Variants in EHBP1 observed in about 807,000 individuals in gnomAD.
The protein encoded by EHBP1 is EH domain binding protein 1, also known as EH domain-binding protein 1.
EHBP1 carries 55 observed loss-of-function variants against 144.0 expected under a neutral mutation model. The observed-to-expected ratio is 0.38, with a 90% CI of 0.31 to 0.48. The LOEUF is 0.48. EHBP1 is among the 20% of genes least tolerant of loss of function. The pLI is 0.98. For missense variants in EHBP1, 1,200 were observed against 1,364.2 expected, an observed-to-expected ratio of 0.88 and a Z score of 1.90; for synonymous variants, 469 against 472.7, an observed-to-expected ratio of 0.99 and a Z score of 0.10.
At chr2:62,801,382 A>G (rs1449070857) in intron 5 of EHBP1, among the ~76,000 whole-genome samples, 1 of 152,190 alleles carries the variant, frequency 6.6e-6, no homozygotes, top group Admixed American at 6.5e-5. Context: ...ATTTATATCA[A>G]TCACACCATC....
At chr2:62,740,172 A>G (rs2038566835) in intron 2 of EHBP1, among the ~76,000 whole-genome samples, 1 of 152,160 alleles carries the variant, frequency 6.6e-6, no homozygotes, top group Non-Finnish European at 1.5e-5. Context: ...AAAAGTAATC[A>G]CTCTGTTAAA....
chr2:62,692,159 C>T (rs772021015), intron 1 of EHBP1, among the ~76,000 whole-genome samples: 2 of 152,184 alleles, frequency 1.3e-5, no homozygotes, highest in African/African-American at 4.8e-5. Flanking sequence ...TGGCTTCTTT[C>T]ACTTAACATA....
At position 62,943,843 on chromosome 2, in the gene EHBP1, A is replaced by C; in HGVS notation, c.1406A>C (p.Asn469Thr). ...SLNPQDIKEN[N>T]KKAYDGFASI... ...AATCCTCAAGATATTAAAGAGAACA[A>C]CAAAAAGGTAAGAATTGATGAGCAA... Residue 469 changes from asparagine (N) to threonine (T), a missense_variant, in exon 12 of 23, where the codon AAC becomes ACC. Asn to Thr is a moderately conservative substitution (Grantham distance 65). This residue lies in a region of EHBP1 where 94 missense variants were observed against 143.0 expected (regional missense o/e 0.66). Transcript: ENST00000431489. 1 of 1,604,298 alleles carries C rather than the reference A, an allele frequency of 6.2e-7. No individual in the cohort carries two copies. Among genetic ancestry groups the C allele is most frequent in the Non-Finnish European group, 8.5e-7 (1 of 1,173,872 alleles).
chr2:62,692,201 A>G (rs367794874), intron 1 of EHBP1, among the ~76,000 whole-genome samples: 3 of 152,336 alleles, frequency 2.0e-5, no homozygotes, highest in East Asian at 3.9e-4. Context: ...TATAGCGTGA[A>G]TCAATGCTTC....
intron 2 of EHBP1, among the ~76,000 whole-genome samples, chr2:62,747,017 C>G (rs566084232): frequency 6.6e-6 from 1 of 152,154 alleles, no homozygotes; most frequent in African/African-American, 2.4e-5. Context: ...AATTATTTTG[C>G]AAGTGCCCTT....
chr2:62,858,093 A>G (rs1348134066), intron 7 of EHBP1, among the ~76,000 whole-genome samples: 1 of 152,144 alleles, frequency 6.6e-6, no homozygotes, highest in Non-Finnish European at 1.5e-5. Context: ...GCACAGCTCT[A>G]TTTTGTAAAT....
chr2:62,814,002 G>A (rs752695675), intron 5 of EHBP1, among the ~76,000 whole-genome samples: 6 of 152,116 alleles, frequency 3.9e-5, no homozygotes, highest in Non-Finnish European at 8.8e-5. Context: ...TGCTGGAACC[G>A]GTTAAGACTT....
At chr2:62,804,665 G>A (rs2044304028) in intron 5 of EHBP1, among the ~76,000 whole-genome samples, 1 of 152,204 alleles carries the variant, frequency 6.6e-6, no homozygotes, top group Non-Finnish European at 1.5e-5. Flanking sequence ...AATTGGTATT[G>A]TATAAATTGG....
chr2:62,862,128 G>C (rs963332904), intron 8 of EHBP1, among the ~76,000 whole-genome samples: 1 of 152,018 alleles, frequency 6.6e-6, no homozygotes, highest in African/African-American at 2.4e-5. Context: ...AGTCTCTTTA[G>C]GCTATGTTTA....
At chr2:62,969,642 A>G (rs1174351023) in intron 14 of EHBP1, among the ~76,000 whole-genome samples, 1 of 152,198 alleles carries the variant, frequency 6.6e-6, no homozygotes, top group Non-Finnish European at 1.5e-5. Context: ...AAAATTTAGT[A>G]GTTACCACAA....
chr2:62,784,405 C>T (rs1343795222), intron 5 of EHBP1, among the ~76,000 whole-genome samples: 1 of 152,124 alleles, frequency 6.6e-6, no homozygotes, highest in Non-Finnish European at 1.5e-5. Flanking sequence ...TACTTCCTAA[C>T]ATTGGGGATA....
intron 10 of EHBP1, among the ~76,000 whole-genome samples, chr2:62,885,414 A>C (rs1040206297): frequency 2.0e-5 from 3 of 152,066 alleles, no homozygotes; most frequent in Non-Finnish European, 4.4e-5. Context: ...ACAGCTTAAG[A>C]AAAAAGATCA....
chr2:63,012,715 T>C lies in EHBP1; in HGVS notation c.3103+15949T>C, dbSNP rs540428960. 1.3e-5 allele frequency among the ~76,000 whole-genome samples: 2 copies of C among 152,314 alleles called. 1 individual carries two copies. Among genetic ancestry groups the C allele is most frequent in the African/African-American group, 4.8e-5 (2 of 41,574 alleles). ...ATAACTTAAAACAGCTTGTGAAATA[T>C]AATGTTTGAAATGGTTCTTTGAGAA... On this transcript the variant is annotated intron_variant, in intron 19 of 22. Coordinates refer to ENST00000431489, the MANE Select transcript of EHBP1 (RefSeq NM_001142616.3).
intron 2 of EHBP1, among the ~76,000 whole-genome samples, chr2:62,734,253 A>T (rs1256068485): frequency 6.6e-6 from 1 of 151,990 alleles, no homozygotes; most frequent in Non-Finnish European, 1.5e-5. Context: ...AGACATAGTG[A>T]AAGTATTTCT....
intron 1 of EHBP1, among the ~76,000 whole-genome samples, chr2:62,696,393 C>A (rs917685226): frequency 1.3e-5 from 2 of 151,056 alleles, no homozygotes; most frequent in South Asian, 2.1e-4. Context: ...CTGGTCTACC[C>A]ACCTTGGCCT....
At chr2:62,675,896 G>T (rs775961563) in intron 1 of EHBP1, among the ~76,000 whole-genome samples, 8 of 152,096 alleles carry the variant, frequency 5.3e-5, no homozygotes, top group Non-Finnish European at 1.2e-4. Flanking sequence ...GGAACCACAG[G>T]TGCGTACCAC....
At chr2:62,755,491 ATTT>A (rs1221281216) in intron 3 of EHBP1, among the ~76,000 whole-genome samples, 1 of 151,958 alleles carries the variant, frequency 6.6e-6, no homozygotes, top group Non-Finnish European at 1.5e-5. Flanking sequence ...GGGGAAAAGT[ATTT>A]TTTTATCTTG....
intron 4 of EHBP1, among the ~76,000 whole-genome samples, chr2:62,770,359 C>T (rs572637920): frequency 5.9e-5 from 9 of 152,102 alleles, no homozygotes; most frequent in South Asian, 2.1e-4. Context: ...GCAAAGGACA[C>T]GAACAGGCAC....
At position 62,707,257 on chromosome 2, in the gene EHBP1, C is replaced by G. The variant is rs2034678551; in HGVS notation, c.66C>G (p.Ala22=). 6 of 1,614,072 alleles carry G rather than the reference C, an allele frequency of 3.7e-6. No homozygotes were observed. Among genetic ancestry groups the G allele is most frequent in the Non-Finnish European group, 5.1e-6 (6 of 1,180,006 alleles). ...GKHASKFQFV[A]SYQELMVECT... is the part of the protein sequence containing the mutation. ...ATGCATCCAAGTTCCAGTTTGTGGC[C>G]TCCTACCAGGAGCTCATGGTTGAGT... The change falls in exon 2 of 23, where the codon GCC becomes GCG. Residue 22 remains alanine (A), a synonymous_variant. Transcript: ENST00000431489.
Sources: gnomAD v4.1 joint callset for allele counts (sites outside exome capture counted in the v4.1 genomes callset) on GRCh38, gnomAD v4.1.1 for gene constraint, gnomAD v4.1.1 regional missense constraint, MANE v1.5 for transcripts, NCBI Gene and HGNC (gene_info 2026-07-23, HGNC 2026-07-21) for gene names.